Variants in ARHGAP15 observed in about 807,000 individuals in gnomAD.
ARHGAP15 encodes rho GTPase-activating protein 15.
A neutral mutation model predicts 63.7 loss-of-function variants in ARHGAP15; 51 were observed. The ratio of observed to expected loss-of-function variants is 0.80; its 90% confidence interval spans 0.64 to 1.01. ARHGAP15 has a LOEUF of 1.01. ARHGAP15 is among the 50% of genes least tolerant of loss of function. The probability of loss-of-function intolerance (pLI) is 0.00; values close to 1 mark genes in which losing one functional copy is unlikely to be tolerated. For missense variants in ARHGAP15, 560 were observed against 564.6 expected, an observed-to-expected ratio of 0.99 and a Z score of 0.08; for synonymous variants, 191 against 193.8, an observed-to-expected ratio of 0.99 and a Z score of 0.12.
At chr2:143,257,934 G>A (rs893719397) in intron 6 of ARHGAP15, among the ~76,000 whole-genome samples, 2 of 152,088 alleles carry the variant, frequency 1.3e-5, no homozygotes, top group Non-Finnish European at 2.9e-5. Context: ...CAAGCCAAGG[G>A]ATCCTTTTTC....
intron 6 of ARHGAP15, among the ~76,000 whole-genome samples, chr2:143,261,555 G>T (rs1350571035): frequency 6.6e-6 from 1 of 150,942 alleles, no homozygotes; most frequent in African/African-American, 2.4e-5. Context: ...CACCATGTTG[G>T]CCAAGCTGGT....
chr2:143,434,604 A>C (rs1389989629), intron 6 of ARHGAP15, among the ~76,000 whole-genome samples: 1 of 152,152 alleles, frequency 6.6e-6, no homozygotes, highest in African/African-American at 2.4e-5. Context: ...AGAAGAGGTG[A>C]CTGGCTCCTG....
At chr2:143,702,130 C>T (rs1393975534) in intron 12 of ARHGAP15, among the ~76,000 whole-genome samples, 1 of 152,068 alleles carries the variant, frequency 6.6e-6, no homozygotes, top group Non-Finnish European at 1.5e-5. Flanking sequence ...ATCTTATTTT[C>T]CAGCTGTGGC....
intron 11 of ARHGAP15, among the ~76,000 whole-genome samples, chr2:143,612,894 C>T (rs1304285623): frequency 2.0e-5 from 3 of 152,300 alleles, no homozygotes; most frequent in East Asian, 1.9e-4. Context: ...AAATGAATTC[C>T]TGCATGTGAG....
chr2:143,213,323 G>C (rs1692627181), intron 3 of ARHGAP15, among the ~76,000 whole-genome samples: 1 of 152,162 alleles, frequency 6.6e-6, no homozygotes, highest in Admixed American at 6.6e-5. Context: ...AGACCAGCCT[G>C]ACCAACATGG....
intron 2 of ARHGAP15, among the ~76,000 whole-genome samples, chr2:143,170,901 G>A (rs1283124972): frequency 6.6e-6 from 1 of 152,094 alleles, no homozygotes; most frequent in Non-Finnish European, 1.5e-5. Flanking sequence ...CGTGAAGTCA[G>A]ACACTTTCTC....
In ARHGAP15 at chr2:143,636,414, G is replaced by C. The variant is rs575878623; in HGVS notation, c.1138+12147G>C. Among the ~76,000 whole-genome samples the C allele has an allele frequency of 1.9e-3, 288 of 152,206 alleles. 3 individuals are homozygous for C. The highest frequency in any genetic ancestry group is 6.8e-3 in the African/African-American group (282 of 41,540). ...ATGTTATGAAAATGTTTTAGAAAAA[G>C]TCGTCAGGAAAAGAAGAATGATCCT... is the stretch of plus-strand genomic sequence containing the variant. On this transcript the variant is annotated intron_variant, in intron 12 of 13. Coordinates refer to ENST00000295095, the MANE Select transcript of ARHGAP15 (RefSeq NM_018460.4).
intron 11 of ARHGAP15, among the ~76,000 whole-genome samples, chr2:143,565,387 C>T (rs1280241775): frequency 6.6e-6 from 1 of 152,076 alleles, no homozygotes; most frequent in African/African-American, 2.4e-5. Flanking sequence ...GAGTAGGAAA[C>T]TTGATTCATT....
At chr2:143,663,796 A>G (rs1681979116) in intron 12 of ARHGAP15, among the ~76,000 whole-genome samples, 1 of 152,134 alleles carries the variant, frequency 6.6e-6, no homozygotes, top group South Asian at 2.1e-4. Flanking sequence ...CTTTAAACCA[A>G]CAAAGATCAA....
chr2:143,627,550 C>T (rs938321975), intron 12 of ARHGAP15, among the ~76,000 whole-genome samples: 1 of 152,116 alleles, frequency 6.6e-6, no homozygotes, highest in African/African-American at 2.4e-5. Context: ...ATTTTAAGAA[C>T]ATTTATACCC....
At chr2:143,516,692 C>T (rs2104975203) in intron 9 of ARHGAP15, among the ~76,000 whole-genome samples, 1 of 152,318 alleles carries the variant, frequency 6.6e-6, no homozygotes, top group East Asian at 1.9e-4. Context: ...TTCTTCCTGA[C>T]TGTAATCTCC....
chr2:143,373,383 C>G (rs1558927926), intron 6 of ARHGAP15, among the ~76,000 whole-genome samples: 2 of 152,032 alleles, frequency 1.3e-5, no homozygotes, highest in African/African-American at 4.8e-5. Context: ...GTAATCCGAG[C>G]ACTTTGGGAG....
intron 12 of ARHGAP15, among the ~76,000 whole-genome samples, chr2:143,665,104 G>C (rs1368622851): frequency 6.6e-6 from 1 of 151,722 alleles, no homozygotes; most frequent in Non-Finnish European, 1.5e-5. Context: ...GCCTGGCAGA[G>C]ACACAACCAA....
At chr2:143,328,681 T>C (rs936153473) in intron 6 of ARHGAP15, among the ~76,000 whole-genome samples, 6 of 152,196 alleles carry the variant, frequency 3.9e-5, no homozygotes, top group East Asian at 1.9e-4. Flanking sequence ...CATGTGTAGC[T>C]ATATAACAAA....
chr2:143,439,588 T>A (rs985983651), intron 8 of ARHGAP15, among the ~76,000 whole-genome samples: 1 of 151,596 alleles, frequency 6.6e-6, no homozygotes, highest in Non-Finnish European at 1.5e-5. Flanking sequence ...CTGTTCCAAG[T>A]GCTTGTCTTA....
intron 1 of ARHGAP15, among the ~76,000 whole-genome samples, chr2:143,130,666 A>G (rs1237892941): frequency 6.6e-6 from 1 of 152,172 alleles, no homozygotes; most frequent in Non-Finnish European, 1.5e-5. Flanking sequence ...TCAATTGTCA[A>G]TACTGAAGCT....
intron 1 of ARHGAP15, among the ~76,000 whole-genome samples, chr2:143,152,070 C>G (rs1689847712): frequency 6.6e-6 from 1 of 151,962 alleles, no homozygotes; most frequent in Non-Finnish European, 1.5e-5. Flanking sequence ...AACACACATT[C>G]TCTTCCTCAG....
chr2:143,552,992 TGTG>T (rs886284004), intron 10 of ARHGAP15, among the ~76,000 whole-genome samples: 2 of 152,178 alleles, frequency 1.3e-5, no homozygotes, highest in Non-Finnish European at 2.9e-5. Context: ...GCAAGGATAA[TGTG>T]GTCATGAAAA....
At chr2:143,373,629 CA>C (rs58153000) in intron 6 of ARHGAP15, among the ~76,000 whole-genome samples, 747 of 62,954 alleles carry the variant, frequency 0.012, 14 homozygotes, top group African/African-American at 0.032. Flanking sequence ...GACTCTATCT[CA>C]AAAAAAAAAA....
Sources: gnomAD v4.1 joint callset for allele counts (sites outside exome capture counted in the v4.1 genomes callset) on GRCh38, gnomAD v4.1.1 for gene constraint, MANE v1.5 for transcripts, NCBI Gene and HGNC (gene_info 2026-07-23, HGNC 2026-07-21) for gene names.